STXBP5L: variants seen among roughly 807,000 people sequenced by gnomAD.
STXBP5L encodes the protein syntaxin binding protein 5L.
STXBP5L carries 65 observed loss-of-function variants against 144.5 expected under a neutral mutation model. The ratio of observed to expected loss-of-function variants is 0.45; its 90% CI spans 0.37 to 0.55. The LOEUF (loss-of-function observed/expected upper bound fraction) is 0.55. Among genes scored for constraint, STXBP5L ranks in the 20% least tolerant of loss-of-function variants. The pLI is 0.00. For synonymous variants in STXBP5L, 505 were observed against 469.6 expected (o/e 1.08, Z -0.97); for missense variants, 1,298 against 1,405.5 (o/e 0.92, Z 1.22).
intron 20 of STXBP5L, among the ~76,000 whole-genome samples, chr3:121,369,987 G>A (rs1342130646): frequency 6.6e-6 from 1 of 152,156 alleles, no homozygotes; most frequent in Non-Finnish European, 1.5e-5. Context: ...TGGAGGAGGG[G>A]CCTGATCGGC....
At chr3:120,975,303 C>A (rs926925150) in intron 3 of STXBP5L, among the ~76,000 whole-genome samples, 16 of 152,168 alleles carry the variant, frequency 1.1e-4, no homozygotes, top group South Asian at 6.2e-4. Context: ...CTCTTTGTAG[C>A]AATTGTGAAT....
At chr3:121,161,673 T>C (rs73191417) in intron 9 of STXBP5L, among the ~76,000 whole-genome samples, 5,404 of 152,200 alleles carry the variant, frequency 0.036, 145 homozygotes, top group Middle Eastern at 0.082. Flanking sequence ...CGATTTTTCC[T>C]ATTCAATGAT....
chr3:121,140,759 GGACAT>G (rs1392956649), intron 7 of STXBP5L, among the ~76,000 whole-genome samples: 3 of 152,080 alleles, frequency 2.0e-5, no homozygotes, highest in Non-Finnish European at 4.4e-5. Flanking sequence ...GAATGGATGA[GGACAT>G]GTTGGTCAAA....
intron 6 of STXBP5L, among the ~76,000 whole-genome samples, chr3:121,119,768 T>C (rs16845478): frequency 0.099 from 15,035 of 151,356 alleles, 1,179 homozygotes; most frequent in Admixed American, 0.2. Flanking sequence ...ATTATCTCTA[T>C]GCAGTGAAAT....
intron 11 of STXBP5L, among the ~76,000 whole-genome samples, chr3:121,232,986 A>G (rs1253640234): frequency 6.6e-6 from 1 of 152,074 alleles, no homozygotes; most frequent in Non-Finnish European, 1.5e-5. Context: ...CTGGGCACTT[A>G]GGTTCTACCT....
At chr3:121,347,722 G>A (rs2045062793) in intron 20 of STXBP5L, among the ~76,000 whole-genome samples, 1 of 151,058 alleles carries the variant, frequency 6.6e-6, no homozygotes, top group Admixed American at 6.6e-5. Context: ...TGAAGCAATT[G>A]TGAATGGGAG....
At chr3:121,044,536 G>A (rs1299820772) in intron 4 of STXBP5L, among the ~76,000 whole-genome samples, 1 of 152,088 alleles carries the variant, frequency 6.6e-6, no homozygotes, top group Non-Finnish European at 1.5e-5. Flanking sequence ...AGGTATCTCT[G>A]GACAACCAAG....
In STXBP5L at chr3:121,304,071, C is replaced by T. The variant is rs1297061552; in HGVS notation, c.2111-14404C>T. Among the ~76,000 whole-genome samples the T allele has an allele frequency of 2.0e-5, 3 of 150,932 alleles. No individual in the cohort carries two copies. The East Asian group carries it at 5.8e-4, about 29-fold the overall frequency. On this transcript the variant is annotated intron_variant, in intron 19 of 26. Coordinates refer to ENST00000471454, the MANE Select transcript of STXBP5L (RefSeq NM_001308330.2). ...AAGTAAAAGAAGGGGAAAAGAATTC[C>T]ATGAAAACACTATCCCCAAAAAAGC...
rs1002407844 is a variant in STXBP5L, at chr3:121,259,159, C to T, written c.1949C>T (p.Ala650Val). Residue 650 changes from alanine (A) to valine (V), a missense_variant, in exon 18 of 27, where the codon GCA becomes GTA. Coordinates refer to ENST00000471454, the MANE Select transcript of STXBP5L (RefSeq NM_001308330.2). Reference sequence around the variant, plus strand: ...ATTACTAGTCTTGCTGTAAGCTCAGCATATGGAATGTAAGTAATTAAACTT... The same window carrying T: ...ATTACTAGTCTTGCTGTAAGCTCAGTATATGGAATGTAAGTAATTAAACTT... ...QQITSLAVSS[A>V]YGIVAFGNCN... is the part of the protein sequence containing the mutation. The T allele has an allele frequency of 3.8e-6, 6 of 1,563,926 alleles. No homozygotes were observed. Among genetic ancestry groups the T allele is most frequent in the Non-Finnish European group, 3.5e-6 (4 of 1,153,964 alleles).
At chr3:121,347,770 G>GTGTAT (rs1462170530) in intron 20 of STXBP5L, among the ~76,000 whole-genome samples, 1 of 152,078 alleles carries the variant, frequency 6.6e-6, no homozygotes, top group African/African-American at 2.4e-5. Flanking sequence ...TCTGTTATTG[G>GTGTAT]TGTATAAGAA....
chr3:120,921,540 AT>A (rs1189994008), intron 2 of STXBP5L, among the ~76,000 whole-genome samples: 11 of 151,982 alleles, frequency 7.2e-5, no homozygotes, highest in Non-Finnish European at 1.6e-4. Flanking sequence ...TTACAAAAAA[AT>A]CATTGCCTAG....
chr3:121,135,419 C>A (rs890852716), intron 7 of STXBP5L, among the ~76,000 whole-genome samples: 2 of 152,120 alleles, frequency 1.3e-5, no homozygotes, highest in Admixed American at 6.5e-5. Context: ...GTGATAGTCA[C>A]CCTATACAAG....
At chr3:121,004,557 G>C (rs533933796) in intron 3 of STXBP5L, among the ~76,000 whole-genome samples, 6,026 of 151,794 alleles carry the variant, frequency 0.04, 168 homozygotes, top group Middle Eastern at 0.082. Context: ...TCTCCTGCCT[G>C]ATTGCCCTGG....
intron 5 of STXBP5L, among the ~76,000 whole-genome samples, chr3:121,062,584 TA>T (rs1231408959): frequency 6.6e-6 from 1 of 152,220 alleles, no homozygotes; most frequent in African/African-American, 2.4e-5. Context: ...TTCTCCTGGA[TA>T]ATATACTGAA....
At chr3:121,146,843 T>C (rs2045729334) in intron 7 of STXBP5L, among the ~76,000 whole-genome samples, 1 of 152,144 alleles carries the variant, frequency 6.6e-6, no homozygotes, top group Non-Finnish European at 1.5e-5. Flanking sequence ...AGGTAGTGCT[T>C]ACTTTGCATG....
At chr3:121,183,699 C>T (rs1440529140) in intron 9 of STXBP5L, among the ~76,000 whole-genome samples, 1 of 151,672 alleles carries the variant, frequency 6.6e-6, no homozygotes, top group Non-Finnish European at 1.5e-5. Flanking sequence ...CAAGGAAGGG[C>T]AAGGAAACGA....
intron 20 of STXBP5L, among the ~76,000 whole-genome samples, chr3:121,363,247 G>A (rs1351974009): frequency 6.6e-6 from 1 of 152,130 alleles, no homozygotes; most frequent in African/African-American, 2.4e-5. Flanking sequence ...CCCAGCTGGT[G>A]TCTCAATATG....
At chr3:121,118,983 T>C (rs1490218417) in intron 6 of STXBP5L, among the ~76,000 whole-genome samples, 8 of 151,362 alleles carry the variant, frequency 5.3e-5, no homozygotes, top group Non-Finnish European at 1.0e-4. Context: ...CTGAAGGTAA[T>C]GAGAGAGATC....
At chr3:121,107,928 C>T (rs1399170375) in intron 5 of STXBP5L, among the ~76,000 whole-genome samples, 1 of 152,098 alleles carries the variant, frequency 6.6e-6, no homozygotes, top group African/African-American at 2.4e-5. Context: ...AGCTCCTTGA[C>T]ATCCATTGTT....
Sources: gnomAD v4.1 joint callset for allele counts (sites outside exome capture counted in the v4.1 genomes callset) on GRCh38, gnomAD v4.1.1 for gene constraint, MANE v1.5 for transcripts, NCBI Gene and HGNC (gene_info 2026-07-23, HGNC 2026-07-21) for gene names.